The following ELP4 variants were observed in gnomAD, a reference collection of about 807,000 sequenced individuals.
The protein encoded by ELP4 is elongator complex protein 4.
Under a neutral mutation model 48.9 loss-of-function variants are expected in ELP4, and 51 were observed. The ratio of observed to expected loss-of-function variants is 1.04; its 90% CI spans 0.83 to 1.32. ELP4 has a LOEUF of 1.32. Among genes scored for constraint, ELP4 ranks in the 40% most tolerant of loss-of-function variants. ELP4 has a pLI of 0.00. For synonymous variants in ELP4, 210 were observed against 189.2 expected (o/e 1.11, Z -0.90); for missense variants, 519 against 514.6 (o/e 1.01, Z -0.08).
At chr11:31,578,667 T>G (rs1957331496) in intron 3 of ELP4, among the ~76,000 whole-genome samples, 1 of 152,158 alleles carries the variant, frequency 6.6e-6, no homozygotes, top group African/African-American at 2.4e-5. Context: ...TTGACAAACC[T>G]GACAAAAACA....
intron 9 of ELP4, among the ~76,000 whole-genome samples, chr11:31,767,001 T>TA (rs1948055063): frequency 6.6e-6 from 1 of 152,176 alleles, no homozygotes. Context: ...AATCATTTGA[T>TA]GAAAAAAATC....
At chr11:31,526,233 C>T (rs1802125290) in intron 2 of ELP4, among the ~76,000 whole-genome samples, 1 of 152,096 alleles carries the variant, frequency 6.6e-6, no homozygotes, top group African/African-American at 2.4e-5. Context: ...CTGAGATTCA[C>T]AATCAAATTT....
chr11:31,679,716 A>G (rs1946017659), intron 9 of ELP4, among the ~76,000 whole-genome samples: 1 of 152,206 alleles, frequency 6.6e-6, no homozygotes, highest in Admixed American at 6.5e-5. Context: ...CATAACAGGT[A>G]GTTTCAGTCC....
chr11:31,528,237 G>A (rs1212718874), intron 2 of ELP4, among the ~76,000 whole-genome samples: 1 of 151,988 alleles, frequency 6.6e-6, no homozygotes, highest in Admixed American at 6.6e-5. Context: ...TATAACCATG[G>A]GAGCCATGTA....
chr11:31,603,928 A>G, intron 5 of ELP4, 21 bp downstream of exon 5: 1 of 1,598,332 alleles, frequency 6.3e-7, no homozygotes. Flanking sequence ...GACCCATTTA[A>G]TAACAAAATC....
intron 9 of ELP4, among the ~76,000 whole-genome samples, chr11:31,657,358 A>G (rs1945459002): frequency 6.6e-6 from 1 of 151,976 alleles, no homozygotes; most frequent in African/African-American, 2.4e-5. Flanking sequence ...ACTCACCCTC[A>G]TGTACTGTTC....
intron 9 of ELP4, among the ~76,000 whole-genome samples, chr11:31,702,860 A>C (rs1238705028): frequency 6.6e-6 from 1 of 152,184 alleles, no homozygotes; most frequent in East Asian, 1.9e-4. Context: ...TGCCTATATC[A>C]AAAGGTTGTT....
chr11:31,630,414 C>T (rs938784594), intron 6 of ELP4, among the ~76,000 whole-genome samples: 14 of 151,320 alleles, frequency 9.3e-5, no homozygotes, highest in South Asian at 2.1e-4. Flanking sequence ...CTGCAACCTC[C>T]GCCTCCCAGG....
intron 9 of ELP4, among the ~76,000 whole-genome samples, chr11:31,714,403 G>A (rs1209561256): frequency 6.6e-6 from 1 of 152,070 alleles, no homozygotes; most frequent in Non-Finnish European, 1.5e-5. Flanking sequence ...TAATGACTCT[G>A]CAGTGATGTT....
At chr11:31,750,926 C>T (rs765295808) in intron 9 of ELP4, among the ~76,000 whole-genome samples, 1 of 152,194 alleles carries the variant, frequency 6.6e-6, no homozygotes, top group Non-Finnish European at 1.5e-5. Context: ...CTGAAATGTG[C>T]AGAAGAAACA....
intron 9 of ELP4, among the ~76,000 whole-genome samples, chr11:31,685,208 A>G (rs1946135640): frequency 6.6e-6 from 1 of 152,096 alleles, no homozygotes; most frequent in South Asian, 2.1e-4. Context: ...AAAATTAGCC[A>G]GGCGTGGTAG....
rs1948611286 is a variant in ELP4 at position 31,786,258 on chromosome 11, G to A, written c.*2734G>A. ...ACACACATAGGCATACAAAAGGAGA[G>A]TGGGGGGACCCCCCTATTCATTTGT... On this transcript the variant is annotated 3_prime_UTR_variant, in exon 10 of 10. Coordinates refer to ENST00000640961, the MANE Select transcript of ELP4 (RefSeq NM_019040.5). 1 of 209,998 alleles carries A rather than the reference G, an allele frequency of 4.8e-6. No individual in the cohort carries two copies. Among genetic ancestry groups the A allele is most frequent in the African/African-American group, 2.3e-5 (1 of 44,056 alleles). The allele number at this position is 209,998 out of a possible 1,614,324, so 13.0% of individuals were successfully genotyped here. A position where few individuals can be genotyped will look rare whatever the true frequency, so the allele number is the denominator to read the frequency against.
At chr11:31,575,557 A>T (rs1412615319) in intron 3 of ELP4, among the ~76,000 whole-genome samples, 1 of 152,238 alleles carries the variant, frequency 6.6e-6, no homozygotes, top group Non-Finnish European at 1.5e-5. Context: ...CGGGTTACCC[A>T]CAAAGGGAAG....
chr11:31,626,704 C>A (rs1173022700), intron 5 of ELP4, among the ~76,000 whole-genome samples: 1 of 151,808 alleles, frequency 6.6e-6, no homozygotes, highest in Non-Finnish European at 1.5e-5. Context: ...CTCAGGTGAT[C>A]AGGACATGGA....
intron 7 of ELP4, chr11:31,646,348 A>G (rs969374642): frequency 6.6e-6 from 1 of 151,818 alleles, no homozygotes; most frequent in Non-Finnish European, 1.5e-5. Flanking sequence ...CATTCTTTAT[A>G]TAACACACAT....
Position 31,603,747 on chromosome 11 carries a change from C to CT in ELP4, c.514-20dup, listed in dbSNP as rs956106209. 5 of 1,600,710 alleles carry CT rather than the reference C, an allele frequency of 3.1e-6. No homozygotes were observed. The African/African-American group carries it at 6.7e-5, about 22-fold the overall frequency. On this transcript the variant is annotated intron_variant, in intron 4 of 9. Transcript: ENST00000640961. Reference sequence around the variant, plus strand: ...CTTAAAAATAATTGTTTAACAACCACTATGGGGTTTATTTTAGCAGATTGG... The same window carrying CT: ...CTTAAAAATAATTGTTTAACAACCACTTATGGGGTTTATTTTAGCAGATTGG...
At chr11:31,753,137 G>A (rs1372988444) in intron 9 of ELP4, among the ~76,000 whole-genome samples, 1 of 152,126 alleles carries the variant, frequency 6.6e-6, no homozygotes, top group Admixed American at 6.5e-5. Context: ...TACCTAACTA[G>A]AAAATATAAT....
chr11:31,782,837 T>C (rs564510594), intron 9 of ELP4, among the ~76,000 whole-genome samples: 2 of 152,214 alleles, frequency 1.3e-5, no homozygotes, highest in South Asian at 4.1e-4. Flanking sequence ...TGGTATCATT[T>C]TTTTATGTTG....
At chr11:31,555,594 T>G (rs1047702712) in intron 3 of ELP4, among the ~76,000 whole-genome samples, 1 of 151,780 alleles carries the variant, frequency 6.6e-6, no homozygotes, top group African/African-American at 2.4e-5. Flanking sequence ...AATATATATA[T>G]TAATGTGGTC....
Sources: allele counts gnomAD v4.1 joint callset (sites outside exome capture counted in the v4.1 genomes callset), GRCh38; gene constraint gnomAD v4.1.1; transcripts MANE v1.5; gene names NCBI Gene and HGNC (gene_info 2026-07-23, HGNC 2026-07-21).